The following CACNA2D3 variants were observed in gnomAD, a reference collection of about 807,000 sequenced individuals.
CACNA2D3 encodes voltage-dependent calcium channel subunit alpha-2/delta-3.
CACNA2D3 carries 60 observed loss-of-function variants against 160.6 expected under a neutral mutation model. That is an observed-to-expected ratio of 0.37 (90% CI 0.30 to 0.46). The LOEUF is 0.46. CACNA2D3 is among the 20% of genes least tolerant of loss of function. The pLI, the probability that CACNA2D3 is intolerant of heterozygous loss-of-function variation, is 1.00. For synonymous variants in CACNA2D3, 558 were observed against 492.9 expected, an observed-to-expected ratio of 1.13 and a Z score of -1.75; for missense variants, 1,205 against 1,365.0, an observed-to-expected ratio of 0.88 and a Z score of 1.85.
chr3:55,029,059 G>C (rs1703626288), intron 35 of CACNA2D3, among the ~76,000 whole-genome samples: 1 of 152,162 alleles, frequency 6.6e-6, no homozygotes, highest in South Asian at 2.1e-4. Flanking sequence ...TTCCTGTTGA[G>C]GTCTCAAGCT....
intron 5 of CACNA2D3, among the ~76,000 whole-genome samples, chr3:54,558,176 G>A (rs190472379): frequency 7.9e-5 from 12 of 152,280 alleles, no homozygotes; most frequent in Admixed American, 7.2e-4. Context: ...GCAACTTGAC[G>A]ACTGGAGTAA....
At chr3:54,622,342 C>A (rs1412294822) in intron 9 of CACNA2D3, among the ~76,000 whole-genome samples, 2 of 152,202 alleles carry the variant, frequency 1.3e-5, no homozygotes, top group East Asian at 1.9e-4. Context: ...GTGGTGCAAT[C>A]TCAGCTCACT....
chr3:54,301,302 G>GAAA (rs58651715), intron 2 of CACNA2D3, among the ~76,000 whole-genome samples: 3 of 141,184 alleles, frequency 2.1e-5, no homozygotes, highest in Admixed American at 1.4e-4. Flanking sequence ...ACAAAAGACA[G>GAAA]AAAAAAAAAA....
intron 16 of CACNA2D3, among the ~76,000 whole-genome samples, chr3:54,839,178 A>C (rs1003419873): frequency 6.6e-6 from 1 of 152,150 alleles, no homozygotes; most frequent in Non-Finnish European, 1.5e-5. Context: ...GAATGGCGTG[A>C]ACCTAGGAGG....
chr3:54,889,437 G>T (rs1474847043), intron 24 of CACNA2D3, among the ~76,000 whole-genome samples: 2 of 152,178 alleles, frequency 1.3e-5, no homozygotes, highest in Non-Finnish European at 2.9e-5. Flanking sequence ...CTTGTGGCTT[G>T]CTTCAGAGGC....
At chr3:54,680,292 C>T (rs1384281982) in intron 11 of CACNA2D3, among the ~76,000 whole-genome samples, 1 of 152,220 alleles carries the variant, frequency 6.6e-6, no homozygotes, top group Admixed American at 6.5e-5. Flanking sequence ...CTCAGCTCAA[C>T]AACACTTCCT....
intron 11 of CACNA2D3, among the ~76,000 whole-genome samples, chr3:54,643,610 TAGAC>T (rs1417302741): frequency 6.6e-6 from 1 of 152,224 alleles, no homozygotes; most frequent in Non-Finnish European, 1.5e-5. Flanking sequence ...GGTTCACTCT[TAGAC>T]AGGGTTATAT....
At chr3:55,015,768 G>C (rs1466526189) in intron 34 of CACNA2D3, among the ~76,000 whole-genome samples, 1 of 152,262 alleles carries the variant, frequency 6.6e-6, no homozygotes, top group East Asian at 1.9e-4. Context: ...AAGGAGAGGA[G>C]AGCAAATGAG....
rs150549231 is a variant in CACNA2D3 at position 54,811,160 on chromosome 3, C to A, written c.1381-5693C>A. ...CATATTTCCAGCTGCCTACCCTACACCTCTGCCTGCAATCCTAAGAGACAT... is the reference window on the plus strand; with the variant it reads ...CATATTTCCAGCTGCCTACCCTACAACTCTGCCTGCAATCCTAAGAGACAT... On this transcript the variant is annotated intron_variant, in intron 13 of 37. Coordinates refer to ENST00000474759, the MANE Select transcript of CACNA2D3 (RefSeq NM_018398.3). Among the ~76,000 whole-genome samples the A allele has an allele frequency of 3.0e-3, 457 of 152,348 alleles. 1 individual carries two copies. The highest frequency in any genetic ancestry group is 0.02 in the Middle Eastern group (6 of 294).
intron 14 of CACNA2D3, among the ~76,000 whole-genome samples, chr3:54,820,996 G>A (rs1703579122): frequency 6.6e-6 from 1 of 152,116 alleles, no homozygotes; most frequent in Non-Finnish European, 1.5e-5. Flanking sequence ...GGGCCCGAAT[G>A]TTTAAAGTCA....
At chr3:54,181,741 T>G (rs1482213952) in intron 2 of CACNA2D3, among the ~76,000 whole-genome samples, 1 of 152,208 alleles carries the variant, frequency 6.6e-6, no homozygotes, top group African/African-American at 2.4e-5. Context: ...CTGGCCAGGT[T>G]GCACATGCTT....
At chr3:54,329,563 T>C (rs1704199415) in intron 3 of CACNA2D3, among the ~76,000 whole-genome samples, 1 of 152,242 alleles carries the variant, frequency 6.6e-6, no homozygotes, top group African/African-American at 2.4e-5. Context: ...GTCCCAGTTC[T>C]GATTTTTCAG....
At chr3:54,440,882 A>G (rs1157543655) in intron 4 of CACNA2D3, among the ~76,000 whole-genome samples, 3 of 152,106 alleles carry the variant, frequency 2.0e-5, no homozygotes, top group Non-Finnish European at 2.9e-5. Flanking sequence ...AATCCAGTCT[A>G]TCATTGTTGG....
intron 5 of CACNA2D3, among the ~76,000 whole-genome samples, chr3:54,553,709 A>G (rs549432923): frequency 6.6e-6 from 1 of 152,324 alleles, no homozygotes; most frequent in East Asian, 1.9e-4. Flanking sequence ...AAATTAATAC[A>G]GTTCTGCTAA....
intron 11 of CACNA2D3, among the ~76,000 whole-genome samples, chr3:54,717,739 TGTGTG>T (rs1465444286): frequency 1.5e-5 from 2 of 130,658 alleles, no homozygotes; most frequent in Non-Finnish European, 3.3e-5. Context: ...TGTGTGTGCA[TGTGTG>T]GTGTGGTGTG....
intron 2 of CACNA2D3, among the ~76,000 whole-genome samples, chr3:54,306,884 A>C (rs1703614920): frequency 1.3e-5 from 2 of 152,212 alleles, no homozygotes; most frequent in African/African-American, 4.8e-5. Context: ...ATGTTCAAAG[A>C]ACTGGACTCA....
chr3:54,648,892 A>G (rs1699704163), intron 11 of CACNA2D3, among the ~76,000 whole-genome samples: 1 of 152,128 alleles, frequency 6.6e-6, no homozygotes, highest in African/African-American at 2.4e-5. Flanking sequence ...AACTATTAGA[A>G]TGATAACTCA....
intron 27 of CACNA2D3, among the ~76,000 whole-genome samples, chr3:54,919,105 A>G (rs1366152530): frequency 6.6e-6 from 1 of 152,158 alleles, no homozygotes; most frequent in Non-Finnish European, 1.5e-5. Flanking sequence ...ATTGGCAATT[A>G]CTTATGACCA....
intron 5 of CACNA2D3, among the ~76,000 whole-genome samples, chr3:54,507,564 G>T (rs1461892717): frequency 6.6e-6 from 1 of 152,192 alleles, no homozygotes; most frequent in Non-Finnish European, 1.5e-5. Flanking sequence ...TGGGCTATGA[G>T]ATGTCATCCA....
Sources: allele counts gnomAD v4.1 joint callset (sites outside exome capture counted in the v4.1 genomes callset), GRCh38; gene constraint gnomAD v4.1.1; transcripts MANE v1.5; gene names NCBI Gene and HGNC (gene_info 2026-07-23, HGNC 2026-07-21).